The following LPCAT4 variants were observed in gnomAD, a reference collection of about 807,000 sequenced individuals.
LPCAT4 encodes the protein lysophosphatidylcholine acyltransferase 4, also known as lysophospholipid acyltransferase LPCAT4.
In LPCAT4, 30 loss-of-function variants were observed where a neutral mutation model predicts 66.5. The ratio of observed to expected loss-of-function variants is 0.45; its 90% CI spans 0.34 to 0.61. LPCAT4 has a LOEUF of 0.61. LPCAT4 is among the 20% of genes least tolerant of loss of function. The pLI is 0.01. For synonymous variants in LPCAT4, 253 were observed against 262.1 expected, an observed-to-expected ratio of 0.97 and a Z score of 0.34; for missense variants, 557 against 656.7, an observed-to-expected ratio of 0.85 and a Z score of 1.66.
Position 34,358,866 on chromosome 15 carries a change from A to C in LPCAT4, c.*261T>G, listed in dbSNP as rs1177969033. The C allele has an allele frequency of 5.9e-6, 1 of 169,882 alleles. No individual in the cohort carries two copies. Among genetic ancestry groups the C allele is most frequent in the African/African-American group, 2.4e-5 (1 of 41,950 alleles). 10.5% of individuals were successfully genotyped at this position (169,882 alleles called of 1,614,324 possible). A position where few individuals can be genotyped will look rare whatever the true frequency, so the allele number is the denominator to read the frequency against. ...ATTTTCCAACGGGCGTCCTACAACCATTCATCCCTTTCCTTCCCAAGTAAT... is the reference window on the plus strand; with the variant it reads ...ATTTTCCAACGGGCGTCCTACAACCCTTCATCCCTTTCCTTCCCAAGTAAT... On this transcript the variant is annotated 3_prime_UTR_variant, in exon 14 of 14. Transcript: ENST00000314891.
chr15:34,361,636 T>C, intron 10 of LPCAT4, 104 bp from the exon 11 acceptor site: 2 of 1,385,614 alleles, frequency 1.4e-6, no homozygotes, highest in South Asian at 2.6e-5. Flanking sequence ...AGTACAGGTT[T>C]AGCTGCTGTT....
chr15:34,366,032 T>A (rs758006825), intron 1 of LPCAT4: 68 of 240,584 alleles, frequency 2.8e-4, no homozygotes, highest in Admixed American at 6.4e-4. Context: ...CTGTGCTTGA[T>A]GTACAGTAGG....
chr15:34,363,088 AGAG>A lies in LPCAT4; in HGVS notation c.747-255_747-253del, dbSNP rs1890988716. Among the ~76,000 whole-genome samples the A allele has an allele frequency of 6.6e-6, 1 of 152,198 alleles. No individual in the cohort carries two copies. Among genetic ancestry groups the A allele is most frequent in the Non-Finnish European group, 1.5e-5 (1 of 68,028 alleles). Reference sequence around the variant, plus strand: ...TATGCCAGAGGAAGAACTGTAGGCAAGAGGAGGTTTGAGTAATGGAAGAAAAAG... The same window carrying A: ...TATGCCAGAGGAAGAACTGTAGGCAAGAGGTTTGAGTAATGGAAGAAAAAG... On this transcript the variant is annotated intron_variant, in intron 7 of 13. Transcript: ENST00000314891. This position sits in a 1 kb window ranked among gnomAD's most constrained non-coding sequence, Gnocchi z 4.3.
Position 34,365,061 on chromosome 15 carries a change from T to C in LPCAT4, c.425A>G (p.Asp142Gly), listed in dbSNP as rs749291052. Residue 142 changes from aspartate to glycine, a missense_variant, in exon 3 of 14, where the codon GAC becomes GGC. Asp to Gly is a moderately conservative substitution (Grantham distance 94). Around this residue, in one of 4 missense-constraint regions of LPCAT4, gnomAD observed 6 missense variants for 27.9 expected, o/e 0.22. Transcript: ENST00000314891. ...AGCTCGGGACACAACTTTGGGCAGG[T>C]CACAGGGCAGCAGAACAATGGGGTC... is the stretch of plus-strand genomic sequence containing the variant. ...FFDPIVLLPC[D>G]LPKVVSRAEN... 1.9e-5 allele frequency: 31 copies of C among 1,613,956 alleles called. No individual in the cohort carries two copies. The highest frequency in any genetic ancestry group is 2.5e-5 in the Non-Finnish European group (30 of 1,179,994).
chr15:34,365,078 A>G lies in LPCAT4; in HGVS notation c.408T>C (p.Ile136=), dbSNP rs760031472. The change falls in exon 3 of 14, where the codon ATT becomes ATC. Residue 136 remains isoleucine (I), a synonymous_variant. Transcript: ENST00000314891. ...TGGGCAGGTCACAGGGCAGCAGAAC[A>G]ATGGGGTCAAAGAAAGTGGAGTGTG... ...AAPHSTFFDP[I]VLLPCDLPKV... 2 of 1,614,212 alleles carry G rather than the reference A, an allele frequency of 1.2e-6. No individual in the cohort carries two copies. Among genetic ancestry groups the G allele is most frequent in the Non-Finnish European group, 1.7e-6 (2 of 1,180,030 alleles).
At chr15:34,360,085 C>T in intron 12 of LPCAT4, 26 bp downstream of exon 12, 1 of 1,439,864 alleles carries the variant, frequency 6.9e-7, no homozygotes, top group Non-Finnish European at 9.8e-7. Flanking sequence ...CACTAAGCAC[C>T]CCCCACCACC....
chr15:34,363,985 G>T lies in LPCAT4; in HGVS notation c.652+28C>A. ...AAATCTGGAACTTCTTTTTCCTACA[G>T]CCCACCACCCACTATCATTTTATTC... On this transcript the variant is annotated intron_variant, in intron 5 of 13. Transcript: ENST00000314891. The surrounding 1 kb of genome is among the most constrained non-coding windows in gnomAD (Gnocchi z 4.3). The T allele has an allele frequency of 6.2e-7, 1 of 1,602,758 alleles. No individual in the cohort carries two copies. The highest frequency in any genetic ancestry group is 8.5e-7 in the Non-Finnish European group (1 of 1,170,756).
At chr15:34,364,500 C>T (rs191093509) in intron 3 of LPCAT4, 194 bp from the exon 4 acceptor site, 37 of 493,992 alleles carry the variant, frequency 7.5e-5, no homozygotes, top group African/African-American at 4.1e-4. Context: ...CTCAGCTCAC[C>T]GCAAACTCCA....
chr15:34,365,528 T>C (rs1218528989), intron 2 of LPCAT4, 31 bp downstream of exon 2: 2 of 1,613,708 alleles, frequency 1.2e-6, no homozygotes, highest in African/African-American at 1.3e-5. Context: ...GGAAGAGAAG[T>C]AGGGTCTCTG....
intron 3 of LPCAT4, 44 bp from the exon 4 acceptor site, chr15:34,364,350 C>G (rs768611504): frequency 1.3e-5 from 17 of 1,265,596 alleles, no homozygotes; most frequent in African/African-American, 3.0e-5. Context: ...TCTTTCCTAC[C>G]CAGGGGCAGT....
At chr15:34,359,934 C>T in intron 12 of LPCAT4, 177 bp downstream of exon 12, 1 of 803,614 alleles carries the variant, frequency 1.2e-6, no homozygotes, top group Non-Finnish European at 2.0e-6. Flanking sequence ...TCTTCTTGTG[C>T]CCAGCTAGGT....
chr15:34,359,957 G>T, intron 12 of LPCAT4, 154 bp downstream of exon 12: 1 of 801,548 alleles, frequency 1.2e-6, no homozygotes, highest in Non-Finnish European at 2.0e-6. Flanking sequence ...CAACATAGAG[G>T]CCGGGGGTCT....
At position 34,363,585 on chromosome 15, in the gene LPCAT4, C is replaced by T; in HGVS notation, c.711+76G>A. Reference sequence around the variant, plus strand: ...CCCCAATGCACATCCCATTAAAGCACCAACAGTTTTCACTTATTTCCATTT... The same window carrying T: ...CCCCAATGCACATCCCATTAAAGCATCAACAGTTTTCACTTATTTCCATTT... On this transcript the variant is annotated intron_variant, in intron 6 of 13. Coordinates refer to ENST00000314891, the MANE Select transcript of LPCAT4 (RefSeq NM_153613.3). This position sits in a 1 kb window ranked among gnomAD's most constrained non-coding sequence, Gnocchi z 4.3. The T allele has an allele frequency of 6.2e-7, 1 of 1,602,732 alleles. No homozygotes were observed. Among genetic ancestry groups the T allele is most frequent in the African/African-American group, 1.3e-5 (1 of 74,822 alleles).
At chr15:34,364,913 A>T in intron 3 of LPCAT4, 95 bp downstream of exon 3, 1 of 1,034,594 alleles carries the variant, frequency 9.7e-7, no homozygotes, top group Non-Finnish European at 1.4e-6. Context: ...GTCCCTCCCC[A>T]CTTTGAGGCC....
At chr15:34,360,084 C>G (rs1230677367) in intron 12 of LPCAT4, 27 bp downstream of exon 12, 30 of 1,289,168 alleles carry the variant, frequency 2.3e-5, no homozygotes, top group East Asian at 4.6e-5. Flanking sequence ...CCACTAAGCA[C>G]CCCCCACCAC....
chr15:34,366,286 A>G (rs1891074292), intron 1 of LPCAT4, among the ~76,000 whole-genome samples: 1 of 152,192 alleles, frequency 6.6e-6, no homozygotes, highest in South Asian at 2.1e-4. Flanking sequence ...GCCAGGAGCC[A>G]GGATGACTCC....
intron 9 of LPCAT4, 77 bp from the exon 10 acceptor site, chr15:34,362,398 C>A (rs79682730): frequency 2.0e-5 from 31 of 1,573,008 alleles, no homozygotes; most frequent in Non-Finnish European, 2.7e-5. Flanking sequence ...GACCCTGGCC[C>A]GCTGACTGGA....
intron 11 of LPCAT4, chr15:34,361,189 C>G: frequency 7.0e-7 from 1 of 1,420,060 alleles, no homozygotes; most frequent in East Asian, 2.6e-5. Flanking sequence ...TCCCTTGTTC[C>G]TCCTCATGAT....
At chr15:34,366,832 C>A in intron 1 of LPCAT4, 155 bp downstream of exon 1, 2 of 1,134,868 alleles carry the variant, frequency 1.8e-6, no homozygotes, top group African/African-American at 1.6e-5. Flanking sequence ...TGCCCAACCG[C>A]GGCCGCCCCC....
Sources: gnomAD v4.1 joint callset for allele counts (sites outside exome capture counted in the v4.1 genomes callset) on GRCh38, gnomAD v4.1.1 for gene constraint, gnomAD v4.1.1 regional missense constraint, Gnocchi (gnomAD v3.1) non-coding constraint, MANE v1.5 for transcripts, NCBI Gene and HGNC (gene_info 2026-07-23, HGNC 2026-07-21) for gene names.